Variants in ADGRF3 observed in about 807,000 individuals in gnomAD.
ADGRF3 encodes the protein adhesion G protein-coupled receptor F3, also known as G protein-coupled receptor 113.
ADGRF3 carries 85 observed loss-of-function variants against 93.2 expected under a neutral mutation model. That is an observed-to-expected ratio of 0.91 (90% CI 0.77 to 1.09). ADGRF3 has a LOEUF of 1.09. ADGRF3 is among the 50% of genes least tolerant of loss of function. ADGRF3 has a pLI of 0.00. For missense variants in ADGRF3, 1,125 were observed against 1,246.2 expected (o/e 0.90, Z 1.46); for synonymous variants, 534 against 532.5 (o/e 1.00, Z -0.04).
chr2:26,310,312 T>A (rs1251789665), intron 10 of ADGRF3, 75 bp from the exon 11 acceptor site: 4 of 1,522,722 alleles, frequency 2.6e-6, no homozygotes, highest in Admixed American at 1.7e-5. Flanking sequence ...CCTTCTGTCC[T>A]GTGTAATTCA....
chr2:26,310,553 TG>T, intron 10 of ADGRF3, 138 bp downstream of exon 10: 2 of 860,980 alleles, frequency 2.3e-6, no homozygotes, highest in Non-Finnish European at 3.5e-6. Flanking sequence ...GTGGAGGAAC[TG>T]GGATCCACAC....
chr2:26,319,131 G>T, intron 1 of ADGRF3: 1 of 1,401,238 alleles, frequency 7.1e-7, no homozygotes, highest in Non-Finnish European at 9.7e-7. Context: ...AGATGGGATG[G>T]GAGGGAAGAG....
chr2:26,340,709 G>A (rs1676339851), intron 1 of ADGRF3, among the ~76,000 whole-genome samples: 1 of 147,408 alleles, frequency 6.8e-6, no homozygotes, highest in Non-Finnish European at 1.5e-5. Context: ...TAAAGGGGAG[G>A]AGGATGTGTG....
At chr2:26,332,792 A>G (rs192930456) in intron 1 of ADGRF3, among the ~76,000 whole-genome samples, 58 of 151,588 alleles carry the variant, frequency 3.8e-4, no homozygotes, top group African/African-American at 1.4e-3. Context: ...TTTTTTTTCT[A>G]TTTTTGCAGA....
Position 26,346,220 on chromosome 2 carries a change from T to C in ADGRF3, c.15A>G (p.Lys5=). Reference sequence around the variant, plus strand: ...GAGTCGCTGCCGAGTGGGCGCTCAGTTTTCGGGTCGTCATGGCTGGCTACG... The same window carrying C: ...GAGTCGCTGCCGAGTGGGCGCTCAGCTTTCGGGTCGTCATGGCTGGCTACG... MTTR[K]LSAHSAATPG... is the part of the protein sequence containing the mutation. The change falls in exon 1 of 14, where the codon AAA becomes AAG. Residue 5 remains lysine, a synonymous_variant. Coordinates refer to ENST00000651242, the MANE Select transcript of ADGRF3 (RefSeq NM_001321971.2). 1 of 1,613,658 alleles carries C rather than the reference T, an allele frequency of 6.2e-7. No individual in the cohort carries two copies.
chr2:26,324,262 G>A (rs1675319798), intron 1 of ADGRF3, among the ~76,000 whole-genome samples: 1 of 152,070 alleles, frequency 6.6e-6, no homozygotes, highest in South Asian at 2.1e-4. Context: ...AAAGAAAAAA[G>A]AAAAGAAAGA....
intron 1 of ADGRF3, among the ~76,000 whole-genome samples, chr2:26,339,894 A>G (rs1313644035): frequency 6.6e-6 from 1 of 152,148 alleles, no homozygotes; most frequent in Non-Finnish European, 1.5e-5. Context: ...CAAGACCCAC[A>G]TTGTACTCAG....
At chr2:26,333,125 A>C (rs1675857960) in intron 1 of ADGRF3, among the ~76,000 whole-genome samples, 1 of 152,122 alleles carries the variant, frequency 6.6e-6, no homozygotes, top group Non-Finnish European at 1.5e-5. Flanking sequence ...ACTTGTAACC[A>C]GTGAAATACT....
chr2:26,318,480 C>T (rs1384906064), intron 1 of ADGRF3, among the ~76,000 whole-genome samples: 1 of 152,042 alleles, frequency 6.6e-6, no homozygotes, highest in East Asian at 1.9e-4. Context: ...TATATATTTA[C>T]ATAAAGATAG....
intron 1 of ADGRF3, among the ~76,000 whole-genome samples, chr2:26,327,428 C>T (rs919008286): frequency 2.6e-5 from 4 of 152,164 alleles, no homozygotes; most frequent in Non-Finnish European, 4.4e-5. Context: ...CTGGATAGAG[C>T]AGCTTTCTGT....
intron 1 of ADGRF3, among the ~76,000 whole-genome samples, chr2:26,339,245 C>T (rs1294490411): frequency 1.3e-5 from 2 of 152,078 alleles, no homozygotes; most frequent in African/African-American, 4.8e-5. Context: ...CCTGTAATCC[C>T]AGCACTTTGG....
In ADGRF3 at chr2:26,310,102, G is replaced by C. The variant is rs1412278078; in HGVS notation, c.2878C>G (p.Gln960Glu). Residue 960 changes from glutamine (Q) to glutamate (E), a missense_variant, in exon 12 of 14, where the codon CAA (glutamine) becomes GAA (glutamate). By Grantham distance (29) the Gln-to-Glu change is conservative (BLOSUM62 2). Coordinates refer to ENST00000651242, the MANE Select transcript of ADGRF3 (RefSeq NM_001321971.2). Reference protein sequence around the residue: ...LFGCLMDRKIQEALRKRFCRA... With the variant: ...LFGCLMDRKIEEALRKRFCRA... ...CAGAAGCGTTTGCGCAAAGCTTCTT[G>C]TATCTGCGGGAGAGGTAAATGCTCT... The C allele has an allele frequency of 3.1e-6, 5 of 1,614,064 alleles. No homozygotes were observed. The highest frequency in any genetic ancestry group is 3.3e-5 in the Admixed American group (2 of 60,028).
At chr2:26,335,703 C>T (rs552495135) in intron 1 of ADGRF3, among the ~76,000 whole-genome samples, 18 of 151,922 alleles carry the variant, frequency 1.2e-4, no homozygotes, top group Admixed American at 3.9e-4. Flanking sequence ...ATGTATCTTA[C>T]GACATTAATT....
In ADGRF3 at chr2:26,342,222, T is replaced by C. The variant is rs572035730; in HGVS notation, c.114+3899A>G. ...GACTTTTGGTAAGATATATTACTAT[T>C]CTATTGTTCCACTCTATACAATTGG... On this transcript the variant is annotated intron_variant, in intron 1 of 13. Transcript: ENST00000651242. Among the ~76,000 whole-genome samples the C allele has an allele frequency of 5.3e-5, 8 of 152,262 alleles. No homozygotes were observed. The Middle Eastern group carries it at 0.01, about 194-fold the overall frequency.
chr2:26,318,075 C>G, intron 1 of ADGRF3: 3 of 1,550,778 alleles, frequency 1.9e-6, no homozygotes, highest in Non-Finnish European at 2.6e-6. Context: ...CTTGGGCCAT[C>G]GGCCAAAGCT....
chr2:26,317,464 C>T lies in ADGRF3; in HGVS notation c.181+32G>A, dbSNP rs563614901. On this transcript the variant is annotated intron_variant, in intron 2 of 13. Transcript: ENST00000651242. ...CCTCATTCCCAGCTCCCATCTCCTC[C>T]CCCTCCCTCCTCCTCCTGTCCATAC... 39 of 1,563,938 alleles carry T rather than the reference C, an allele frequency of 2.5e-5. No individual in the cohort carries two copies. The Admixed American group carries it at 2.8e-4, about 11-fold the overall frequency.
intron 1 of ADGRF3, among the ~76,000 whole-genome samples, chr2:26,325,252 A>G (rs1443004898): frequency 6.6e-6 from 1 of 152,230 alleles, no homozygotes; most frequent in Non-Finnish European, 1.5e-5. Flanking sequence ...CTAACATAGA[A>G]AGAGTCTGTT....
Position 26,311,211 on chromosome 2 carries a change from C to G in ADGRF3, c.2313G>C (p.Pro771=), listed in dbSNP as rs186937850. The stretch of plus-strand genomic sequence containing the variant: ...AGAGGAAGGCGGCAGCAAGGCAGAG[C>G]GGGCTTCGGGGCCCTGGAGAGAGGA... ...APFLSPGPRS[P]LCLAAAFLCH... Residue 771 remains proline (P), a synonymous_variant, in exon 10 of 14, where the codon CCG becomes CCC. Transcript: ENST00000651242. 2 of 1,602,502 alleles carry G rather than the reference C, an allele frequency of 1.2e-6. No individual in the cohort carries two copies. The highest frequency in any genetic ancestry group is 3.5e-5 in the Admixed American group (2 of 57,616).
intron 1 of ADGRF3, 92 bp downstream of exon 1, chr2:26,346,029 G>A (rs1676715654): frequency 2.3e-6 from 3 of 1,324,358 alleles, no homozygotes; most frequent in Non-Finnish European, 3.1e-6. Flanking sequence ...CGATGGGCGG[G>A]GAGAAGCGTG....
Sources: gnomAD v4.1 joint callset for allele counts (sites outside exome capture counted in the v4.1 genomes callset) on GRCh38, gnomAD v4.1.1 for gene constraint, MANE v1.5 for transcripts, NCBI Gene and HGNC (gene_info 2026-07-23, HGNC 2026-07-21) for gene names.